The following USP25 variants were observed in gnomAD, a reference collection of about 807,000 sequenced individuals.
USP25 encodes ubiquitin carboxyl-terminal hydrolase 25.
In USP25, 85 loss-of-function variants were observed where a neutral mutation model predicts 158.5. The ratio of observed to expected loss-of-function variants is 0.54; its 90% confidence interval spans 0.45 to 0.64. The LOEUF (loss-of-function observed/expected upper bound fraction) is 0.64. Ranked by LOEUF, USP25 falls within the 30% of genes least tolerant of loss-of-function variation. The pLI, the probability that USP25 is intolerant of heterozygous loss-of-function variation, is 0.00. For missense variants in USP25, 1,242 were observed against 1,327.3 expected, an observed-to-expected ratio of 0.94 and a Z score of 1.00; for synonymous variants, 464 against 460.4, an observed-to-expected ratio of 1.01 and a Z score of -0.10.
chr21:15,730,826 T>A (rs953240572), intron 1 of USP25, among the ~76,000 whole-genome samples: 2 of 152,178 alleles, frequency 1.3e-5, no homozygotes, highest in Non-Finnish European at 2.9e-5. Flanking sequence ...GGTAGTAGTG[T>A]ACCAGGCCTG....
Position 15,827,090 on chromosome 21 carries a change from T to G in USP25, c.1580T>G (p.Ile527Arg), listed in dbSNP as rs1285894207. Reference sequence around the variant, plus strand: ...CACAAACCATTTACTCAGTCCCGGATACCTCCAGATTTGCCCATGCATCCG... The same window carrying G: ...CACAAACCATTTACTCAGTCCCGGAGACCTCCAGATTTGCCCATGCATCCG... ...VIHKPFTQSR[I>R]PPDLPMHPAP... Residue 527 changes from isoleucine (I) to arginine (R), a missense_variant, in exon 14 of 26, where the codon ATA (isoleucine) becomes AGA (arginine). Ile to Arg is a moderately conservative substitution (Grantham distance 97). This residue lies in a region of USP25 where 627 missense variants were observed against 701.4 expected (regional missense o/e 0.89). Coordinates refer to ENST00000400183, the MANE Select transcript of USP25 (RefSeq NM_001283041.3). The G allele has an allele frequency of 6.8e-6, 11 of 1,614,180 alleles. No individual in the cohort carries two copies. The highest frequency in any genetic ancestry group is 8.5e-6 in the Non-Finnish European group (10 of 1,180,028).
At chr21:15,858,885 T>C (rs2039282477) in intron 20 of USP25, among the ~76,000 whole-genome samples, 1 of 151,882 alleles carries the variant, frequency 6.6e-6, no homozygotes, top group South Asian at 2.1e-4. Context: ...CCTATTAAGA[T>C]GCTGAATAGA....
At chr21:15,817,680 CAAGAG>C (rs1357325349) in intron 9 of USP25, among the ~76,000 whole-genome samples, 2 of 152,044 alleles carry the variant, frequency 1.3e-5, no homozygotes, top group African/African-American at 4.8e-5. Flanking sequence ...TGGTGGCAGA[CAAGAG>C]AAGAGAACAA....
At chr21:15,847,913 T>G in intron 19 of USP25, 137 bp downstream of exon 19, 1 of 449,402 alleles carries the variant, frequency 2.2e-6, no homozygotes, top group Admixed American at 3.7e-5. Context: ...AGTCCAAAAT[T>G]ACTTTACCAA....
chr21:15,780,751 G>T (rs1188807556), intron 4 of USP25, among the ~76,000 whole-genome samples: 1 of 152,170 alleles, frequency 6.6e-6, no homozygotes, highest in Non-Finnish European at 1.5e-5. Flanking sequence ...AAATAGGTCT[G>T]TATAACTCCT....
At chr21:15,747,646 C>T (rs1025934638) in intron 1 of USP25, among the ~76,000 whole-genome samples, 1 of 152,046 alleles carries the variant, frequency 6.6e-6, no homozygotes, top group African/African-American at 2.4e-5. Flanking sequence ...TATCCGATAA[C>T]TGAGATGGCT....
At chr21:15,770,714 GC>G (rs1568782131) in intron 3 of USP25, among the ~76,000 whole-genome samples, 1 of 152,144 alleles carries the variant, frequency 6.6e-6, no homozygotes, top group Non-Finnish European at 1.5e-5. Flanking sequence ...TTTCTCAGTT[GC>G]ACTTTAAATG....
chr21:15,741,901 G>T (rs753833412), intron 1 of USP25, among the ~76,000 whole-genome samples: 17 of 152,108 alleles, frequency 1.1e-4, no homozygotes, highest in Non-Finnish European at 2.4e-4. Context: ...ATGCCTCAAA[G>T]TAAATATTAA....
intron 1 of USP25, among the ~76,000 whole-genome samples, chr21:15,732,807 A>G (rs868422037): frequency 2.0e-5 from 3 of 152,256 alleles, no homozygotes; most frequent in South Asian, 2.1e-4. Flanking sequence ...TGGTTCGCCT[A>G]TAGAATTCAT....
chr21:15,742,676 GA>G (rs1474216583), intron 1 of USP25, among the ~76,000 whole-genome samples: 3 of 152,194 alleles, frequency 2.0e-5, no homozygotes, highest in Non-Finnish European at 4.4e-5. Context: ...TCCACTACCT[GA>G]GGTTTAAAAT....
intron 1 of USP25, among the ~76,000 whole-genome samples, chr21:15,737,098 C>G (rs2123180628): frequency 6.6e-6 from 1 of 152,170 alleles, no homozygotes; most frequent in African/African-American, 2.4e-5. Flanking sequence ...TTTTCCTCAT[C>G]TTCATTTAAA....
intron 9 of USP25, among the ~76,000 whole-genome samples, chr21:15,815,192 G>A (rs12483614): frequency 0.021 from 3,242 of 152,290 alleles, 91 homozygotes; most frequent in Admixed American, 0.088. Flanking sequence ...GTCAAGAAGT[G>A]AGGTTTGGGC....
At chr21:15,750,333 G>A (rs1328009099) in intron 1 of USP25, among the ~76,000 whole-genome samples, 3 of 149,094 alleles carry the variant, frequency 2.0e-5, no homozygotes, top group African/African-American at 7.4e-5. Context: ...CCTGGTTCAA[G>A]CAATTCTTCT....
At chr21:15,745,874 C>G (rs1802347135) in intron 1 of USP25, among the ~76,000 whole-genome samples, 1 of 152,152 alleles carries the variant, frequency 6.6e-6, no homozygotes, top group Non-Finnish European at 1.5e-5. Context: ...ATTTGGAATT[C>G]ATTTCTGTGT....
At chr21:15,747,368 T>C (rs902463863) in intron 1 of USP25, among the ~76,000 whole-genome samples, 1 of 151,876 alleles carries the variant, frequency 6.6e-6, no homozygotes, top group African/African-American at 2.4e-5. Context: ...GTATACCATA[T>C]ATAGTATGGT....
intron 1 of USP25, among the ~76,000 whole-genome samples, chr21:15,745,492 T>G (rs2032469054): frequency 7.7e-6 from 1 of 130,448 alleles, no homozygotes; most frequent in East Asian, 2.3e-4. Flanking sequence ...TTTTTTTTTT[T>G]GTGACGGAAT....
chr21:15,849,739 A>T, intron 19 of USP25, 38 bp from the exon 20 acceptor site: 3 of 1,461,928 alleles, frequency 2.1e-6, no homozygotes, highest in Non-Finnish European at 2.7e-6. Flanking sequence ...ATTTTAGTTT[A>T]AAAACCTTTT....
At chr21:15,864,595 A>T in intron 21 of USP25, 149 bp downstream of exon 21, 1 of 694,586 alleles carries the variant, frequency 1.4e-6, no homozygotes, top group Non-Finnish European at 2.2e-6. Context: ...CAATGTGACT[A>T]GTTGCTGGAG....
intron 19 of USP25, among the ~76,000 whole-genome samples, chr21:15,848,017 T>C (rs886208828): frequency 6.6e-6 from 1 of 152,216 alleles, no homozygotes; most frequent in Non-Finnish European, 1.5e-5. Flanking sequence ...TTAATTCTTT[T>C]ATGCAGAAAT....
Sources: allele counts gnomAD v4.1 joint callset (sites outside exome capture counted in the v4.1 genomes callset), GRCh38; gene constraint gnomAD v4.1.1; regional missense constraint gnomAD v4.1.1; transcripts MANE v1.5; gene names NCBI Gene and HGNC (gene_info 2026-07-23, HGNC 2026-07-21).